The following PCDHGB5 variants were observed in gnomAD, a reference collection of about 807,000 sequenced individuals.
PCDHGB5 encodes the protein protocadherin gamma subfamily B, 5.
Under a neutral mutation model 62.9 loss-of-function variants are expected in PCDHGB5, and 48 were observed. That is an observed-to-expected ratio of 0.76 (90% confidence interval 0.61 to 0.97). The LOEUF (loss-of-function observed/expected upper bound fraction) is 0.97, where lower values mean the gene tolerates loss of function less well. Ranked by LOEUF, PCDHGB5 falls within the 50% of genes least tolerant of loss-of-function variation. The probability of loss-of-function intolerance (pLI) is 0.00; values close to 1 mark genes in which losing one functional copy is unlikely to be tolerated. For missense variants in PCDHGB5, 1,118 were observed against 1,198.6 expected (o/e 0.93, Z 0.99); for synonymous variants, 474 against 511.2 (o/e 0.93, Z 0.98).
At chr5:141,447,238 C>G (rs1028683423) in intron 1 of PCDHGB5, among the ~76,000 whole-genome samples, 2 of 152,148 alleles carry the variant, frequency 1.3e-5, no homozygotes, top group Non-Finnish European at 2.9e-5. Context: ...CTCCCGGGTT[C>G]AAGTGATTCT....
At chr5:141,433,202 T>C (rs1433315739) in intron 1 of PCDHGB5, 2 of 1,578,202 alleles carry the variant, frequency 1.3e-6, no homozygotes, top group Non-Finnish European at 1.7e-6. Context: ...ATATCAAATC[T>C]TCTTTCTTTT....
chr5:141,477,245 A>G lies in PCDHGB5; in HGVS notation c.2398-17562A>G. On this transcript the variant is annotated intron_variant, in intron 1 of 3. Transcript: ENST00000617380. The surrounding 1 kb of genome is among the most constrained non-coding windows in gnomAD (Gnocchi z 4.9). ...GACTGTCATCGCTTTGCTCAGTGTG[A>G]CTGACCTGGATGCTGGCGAGAACGG... 3.7e-6 allele frequency: 6 copies of G among 1,614,128 alleles called. No homozygotes were observed. The highest frequency in any genetic ancestry group is 5.1e-6 in the Non-Finnish European group (6 of 1,180,026).
chr5:141,483,099 C>T (rs10068400), intron 1 of PCDHGB5, among the ~76,000 whole-genome samples: 3,098 of 152,014 alleles, frequency 0.02, 87 homozygotes, highest in African/African-American at 0.065. Flanking sequence ...AAAAAGTGTG[C>T]GTGTAAAACA....
Position 141,489,111 on chromosome 5 carries a change from C to T in PCDHGB5, c.2398-5696C>T. The T allele has an allele frequency of 1.9e-6, 1 of 518,040 alleles. No individual in the cohort carries two copies. Among genetic ancestry groups the T allele is most frequent in the African/African-American group, 1.9e-5 (1 of 51,336 alleles). The allele number at this position is 518,040 out of a possible 1,614,324, so 32.1% of individuals were successfully genotyped here. ...GTGACTAAGAACTGCTGCAAGCAGG[C>T]AAACCTCCGAGCAGTTTTTAAGAGG... On this transcript the variant is annotated intron_variant, in intron 1 of 3. Transcript: ENST00000617380. This position sits in a 1 kb window ranked among gnomAD's most constrained non-coding sequence, Gnocchi z 4.5.
chr5:141,492,230 C>T (rs1286145654), intron 1 of PCDHGB5, among the ~76,000 whole-genome samples: 1 of 152,196 alleles, frequency 6.6e-6, no homozygotes. Flanking sequence ...CGTGTCCTCC[C>T]TGCTGGCCAC....
chr5:141,489,300 C>G lies in PCDHGB5; in HGVS notation c.2398-5507C>G. The G allele has an allele frequency of 6.3e-7, 1 of 1,585,700 alleles. No individual in the cohort carries two copies. The highest frequency in any genetic ancestry group is 1.2e-5 in the South Asian group (1 of 85,012). Reference sequence around the variant, plus strand: ...AATGGCAAGTGCTGTGCATGTTGTCCTTGTGCTGCTGGGGCTGGGTGTCTG... The same window carrying G: ...AATGGCAAGTGCTGTGCATGTTGTCGTTGTGCTGCTGGGGCTGGGTGTCTG... On this transcript the variant is annotated intron_variant, in intron 1 of 3. Coordinates refer to ENST00000617380, the MANE Select transcript of PCDHGB5 (RefSeq NM_018925.3). This position sits in a 1 kb window ranked among gnomAD's most constrained non-coding sequence, Gnocchi z 4.5.
intron 2 of PCDHGB5, among the ~76,000 whole-genome samples, chr5:141,500,935 C>A (rs1159997919): frequency 1.3e-5 from 2 of 151,694 alleles, no homozygotes; most frequent in Non-Finnish European, 2.9e-5. Flanking sequence ...GTGGCGCCAT[C>A]TCGGCTCACT....
intron 1 of PCDHGB5, among the ~76,000 whole-genome samples, chr5:141,469,340 G>A (rs1412181099): frequency 6.6e-6 from 1 of 152,138 alleles, no homozygotes; most frequent in Non-Finnish European, 1.5e-5. Context: ...ACTTTGGGAG[G>A]CTGAGGTGGA....
chr5:141,483,442 AATCATCAGGACTTGTTG>A (rs2099581330), intron 1 of PCDHGB5, among the ~76,000 whole-genome samples: 1 of 152,196 alleles, frequency 6.6e-6, no homozygotes, highest in Non-Finnish European at 1.5e-5. Context: ...ACTACAATAA[AATCATCAGGACTTGTTG>A]ATTGACATGA....
In PCDHGB5 at chr5:141,399,169, C is replaced by G. The variant is rs371809310; in HGVS notation, c.1042C>G (p.Leu348Val). Residue 348 changes from leucine to valine, a missense_variant, in exon 1 of 4, where the codon CTA (leucine) becomes GTA (valine). Physicochemically the swap from Leu to Val is conservative, Grantham distance 32 (BLOSUM62 1). Around this residue, in one of 2 missense-constraint regions of PCDHGB5, gnomAD observed 1,034 missense variants for 1,029.1 expected, o/e 1.00. Transcript: ENST00000617380. ...TAGCCCAGAAGTTACATTCCATTCT[C>G]TACTTGAAATGATTCTGGAAAACGC... ...DNSPEVTFHS[L>V]LEMILENAVP... 2.4e-5 allele frequency: 38 copies of G among 1,613,632 alleles called. No individual in the cohort carries two copies. In the African/African-American group the frequency reaches 4.0e-4, roughly 17 times the overall value.
At position 141,432,881 on chromosome 5, in the gene PCDHGB5, G is replaced by A; in HGVS notation, c.2397+32357G>A. On this transcript the variant is annotated intron_variant, in intron 1 of 3. Coordinates refer to ENST00000617380, the MANE Select transcript of PCDHGB5 (RefSeq NM_018925.3). This position sits in a 1 kb window ranked among gnomAD's most constrained non-coding sequence, Gnocchi z 6.0. ...GGTCTCCTGCGTCTTCCTGGCCTTC[G>A]TCATCTTGCTGCTGGCGCTCAGGCT... 6.2e-7 allele frequency: 1 copy of A among 1,614,170 alleles called. No homozygotes were observed. The highest frequency in any genetic ancestry group is 1.1e-5 in the South Asian group (1 of 91,088).
intron 1 of PCDHGB5, 91 bp from the exon 2 acceptor site, chr5:141,494,716 C>T (rs1448674271): frequency 3.7e-6 from 6 of 1,604,970 alleles, no homozygotes; most frequent in East Asian, 4.5e-5. Flanking sequence ...TGCCCACTCC[C>T]CTCCTTCTCT....
chr5:141,505,450 G>T lies in PCDHGB5; in HGVS notation c.2514G>T (p.Met838Ile). Residue 838 changes from methionine (M) to isoleucine (I), a missense_variant, in exon 3 of 4, where the codon ATG becomes ATT. By Grantham distance (10) the Met-to-Ile change is conservative (BLOSUM62 1). This residue lies in a region of PCDHGB5 where 1,034 missense variants were observed against 1,029.1 expected (regional missense o/e 1.00). Coordinates refer to ENST00000617380, the MANE Select transcript of PCDHGB5 (RefSeq NM_018925.3). ...TWPNNQFDTE[M>I]LQAMILASAS... ...CCAACAACCAGTTTGACACAGAGAT[G>T]CTGCAAGCCATGATCTTGGCGTCCG... 6.2e-7 allele frequency: 1 copy of T among 1,614,194 alleles called. No homozygotes were observed. The highest frequency in any genetic ancestry group is 8.5e-7 in the Non-Finnish European group (1 of 1,180,012).
chr5:141,439,443 G>A (rs867907022), intron 1 of PCDHGB5, among the ~76,000 whole-genome samples: 1 of 152,164 alleles, frequency 6.6e-6, no homozygotes, highest in Non-Finnish European at 1.5e-5. Flanking sequence ...ATATTTTATT[G>A]CGGGAGCAAG....
rs778819723 is a variant in PCDHGB5 at position 141,398,637 on chromosome 5, T to C, written c.510T>C (p.Tyr170=). 1.9e-6 allele frequency: 3 copies of C among 1,613,908 alleles called. No homozygotes were observed. The African/African-American group carries it at 4.0e-5, about 22-fold the overall frequency. Residue 170 remains tyrosine (Y), a synonymous_variant, in exon 1 of 4, where the codon TAT becomes TAC. Transcript: ENST00000617380. ...TTGGCTTAAACTCTCTGCAGAAGTATAAACTCTCTCTTAACCCAAGTTTCT... is the reference window on the plus strand; with the variant it reads ...TTGGCTTAAACTCTCTGCAGAAGTACAAACTCTCTCTTAACCCAAGTTTCT... The part of the protein sequence containing the change: ...ADIGLNSLQK[Y]KLSLNPSFSL...
At position 141,490,376 on chromosome 5, in the gene PCDHGB5, CA is replaced by C; in HGVS notation, c.2398-4430del. 1 of 1,614,184 alleles carries C rather than the reference CA, an allele frequency of 6.2e-7. No individual in the cohort carries two copies. Among genetic ancestry groups the C allele is most frequent in the African/African-American group, 1.3e-5 (1 of 75,030 alleles). On this transcript the variant is annotated intron_variant, in intron 1 of 3. Coordinates refer to ENST00000617380, the MANE Select transcript of PCDHGB5 (RefSeq NM_018925.3). This position sits in a 1 kb window ranked among gnomAD's most constrained non-coding sequence, Gnocchi z 5.4. ...TTGTTTAATGTGCGAGACCGGGACTCAGGTAGAAATGGTGAAGTGAGCCTTG... is the reference window on the plus strand; with the variant it reads ...TTGTTTAATGTGCGAGACCGGGACTCGGTAGAAATGGTGAAGTGAGCCTTG...
Position 141,489,557 on chromosome 5 carries a change from T to C in PCDHGB5, c.2398-5250T>C, listed in dbSNP as rs150797955. 54 of 1,613,956 alleles carry C rather than the reference T, an allele frequency of 3.3e-5. 1 individual carries two copies. Among genetic ancestry groups the C allele is most frequent in the Non-Finnish European group, 4.3e-5 (51 of 1,180,004 alleles). On this transcript the variant is annotated intron_variant, in intron 1 of 3. Coordinates refer to ENST00000617380, the MANE Select transcript of PCDHGB5 (RefSeq NM_018925.3). The surrounding 1 kb of genome is among the most constrained non-coding windows in gnomAD (Gnocchi z 4.5). ...GCCAGCACCAGCTGCCTGCTGCCAG[T>C]GCAGGTGGTGACTGAACACCCCCTG...
intron 1 of PCDHGB5, among the ~76,000 whole-genome samples, chr5:141,456,303 G>A (rs941370138): frequency 6.6e-6 from 1 of 152,156 alleles, no homozygotes; most frequent in Non-Finnish European, 1.5e-5. Flanking sequence ...ATGGAGAACA[G>A]CAGCTAGGGC....
intron 1 of PCDHGB5, among the ~76,000 whole-genome samples, chr5:141,480,106 A>C (rs1466691134): frequency 6.6e-6 from 1 of 152,196 alleles, no homozygotes; most frequent in Non-Finnish European, 1.5e-5. Context: ...AGTGTTTAGC[A>C]TGGTGCCTGG....
Sources: gnomAD v4.1 joint callset for allele counts (sites outside exome capture counted in the v4.1 genomes callset) on GRCh38, gnomAD v4.1.1 for gene constraint, gnomAD v4.1.1 regional missense constraint, Gnocchi (gnomAD v3.1) non-coding constraint, MANE v1.5 for transcripts, NCBI Gene and HGNC (gene_info 2026-07-23, HGNC 2026-07-21) for gene names.